Variants in HIBCH observed in about 807,000 individuals in gnomAD.
HIBCH encodes the protein 3-hydroxyisobutyryl-CoA hydrolase, mitochondrial.
HIBCH carries 50 observed loss-of-function variants against 58.2 expected under a neutral mutation model. That is an observed-to-expected ratio of 0.86 (90% CI 0.68 to 1.09). The LOEUF is 1.09. Among genes scored for constraint, HIBCH ranks in the 50% least tolerant of loss-of-function variants. The probability of loss-of-function intolerance (pLI) is 0.00; values close to 1 mark genes in which losing one functional copy is unlikely to be tolerated. For synonymous variants in HIBCH, 151 were observed against 146.9 expected (o/e 1.03, Z -0.20); for missense variants, 450 against 449.7 (o/e 1.00, Z -0.01).
chr2:190,287,515 T>C, intron 6 of HIBCH, 71 bp downstream of exon 6: 1 of 987,480 alleles, frequency 1.0e-6, no homozygotes, highest in Non-Finnish European at 1.6e-6. Context: ...AGCTCACTTC[T>C]GTTTAATAAT....
chr2:190,230,234 C>T (rs1292909716), intron 11 of HIBCH, among the ~76,000 whole-genome samples: 2 of 151,318 alleles, frequency 1.3e-5, no homozygotes, highest in East Asian at 3.9e-4. Context: ...CAATAAAGAG[C>T]CTGAAAATAT....
chr2:190,312,203 AT>A (rs1259431029), intron 1 of HIBCH, among the ~76,000 whole-genome samples: 1 of 152,228 alleles, frequency 6.6e-6, no homozygotes, highest in Non-Finnish European at 1.5e-5. Flanking sequence ...GGTATGTTTC[AT>A]TTGTGAAAAT....
chr2:190,314,162 T>C (rs1203841854), intron 1 of HIBCH, among the ~76,000 whole-genome samples: 2 of 151,698 alleles, frequency 1.3e-5, no homozygotes, highest in Admixed American at 6.6e-5. Context: ...CCCAGTTTTA[T>C]ATATAAGACA....
intron 6 of HIBCH, among the ~76,000 whole-genome samples, chr2:190,276,442 G>A (rs1337456461): frequency 6.6e-6 from 1 of 152,138 alleles, no homozygotes; most frequent in Non-Finnish European, 1.5e-5. Flanking sequence ...ATCTCATGTT[G>A]AAATTTATTC....
Position 190,243,690 on chromosome 2 carries a change from G to A in HIBCH, c.891+1197C>T, listed in dbSNP as rs180762450. Among the ~76,000 whole-genome samples the A allele has an allele frequency of 3.7e-4, 56 of 152,194 alleles. No individual in the cohort carries two copies. The East Asian group carries it at 4.8e-3, about 13-fold the overall frequency. On this transcript the variant is annotated intron_variant, in intron 11 of 13. Coordinates refer to ENST00000359678, the MANE Select transcript of HIBCH (RefSeq NM_014362.4). This position sits in a 1 kb window ranked among gnomAD's most constrained non-coding sequence, Gnocchi z 4.1. ...CCCCTTAAGAATACAGTAAAAGGCC[G>A]GGTGTGGTGGCTCACACCTGTAATC...
At chr2:190,199,873 A>C, downstream of HIBCH, 2 of 1,613,688 alleles carry the variant, frequency 1.2e-6, no homozygotes, top group Non-Finnish European at 8.5e-7. Flanking sequence ...GGGCTGCATG[A>C]AATCAAAGCA....
chr2:190,251,881 T>C (rs1056413518), intron 8 of HIBCH, among the ~76,000 whole-genome samples: 13 of 152,140 alleles, frequency 8.5e-5, no homozygotes, highest in African/African-American at 2.2e-4. Context: ...AAGGTAGGCA[T>C]GATTTTTTTT....
At chr2:190,302,310 G>A (rs1010198422) in intron 2 of HIBCH, among the ~76,000 whole-genome samples, 1 of 152,144 alleles carries the variant, frequency 6.6e-6, no homozygotes, top group Non-Finnish European at 1.5e-5. Context: ...GAATATTCAC[G>A]AACAGGAGGC....
intron 1 of HIBCH, among the ~76,000 whole-genome samples, chr2:190,195,962 T>TTTTG (rs1553490724): frequency 6.8e-6 from 1 of 147,210 alleles, no homozygotes; most frequent in Non-Finnish European, 1.5e-5. Flanking sequence ...TTTTTTTTTT[T>TTTTG]GGCATATGGA....
At chr2:190,294,009 A>G (rs1247959143) in intron 4 of HIBCH, among the ~76,000 whole-genome samples, 1 of 100,352 alleles carries the variant, frequency 1.0e-5, no homozygotes, top group Non-Finnish European at 1.9e-5. Context: ...ATTTTGTAAT[A>G]TATATTTTGT....
chr2:190,284,468 T>C (rs1401866950), intron 6 of HIBCH, among the ~76,000 whole-genome samples: 1 of 152,210 alleles, frequency 6.6e-6, no homozygotes, highest in Non-Finnish European at 1.5e-5. Context: ...GAGTTATAAC[T>C]TTAAGTGATC....
At chr2:190,319,153 C>G (rs1402936276) in intron 1 of HIBCH, among the ~76,000 whole-genome samples, 4 of 152,190 alleles carry the variant, frequency 2.6e-5, no homozygotes, top group Admixed American at 6.5e-5. Context: ...AGGCTGAGCT[C>G]AAAGCGCAGT....
rs1382979317 is a variant in HIBCH, at chr2:190,254,485, C to T, written c.518-2178G>A. ...AAGTTTGTGGTATTTTGTTATGCAG[C>T]CCTAAAAGTTTAATACACTGCGAAA... On this transcript the variant is annotated intron_variant, in intron 7 of 13. Coordinates refer to ENST00000359678, the MANE Select transcript of HIBCH (RefSeq NM_014362.4). The surrounding 1 kb of genome is among the most constrained non-coding windows in gnomAD (Gnocchi z 5.0). Among the ~76,000 whole-genome samples, 1 of 152,170 alleles carries T rather than the reference C, an allele frequency of 6.6e-6. No individual in the cohort carries two copies. Among genetic ancestry groups the T allele is most frequent in the African/African-American group, 2.4e-5 (1 of 41,448 alleles).
At chr2:190,257,791 G>A (rs1044555864) in intron 7 of HIBCH, among the ~76,000 whole-genome samples, 4 of 152,110 alleles carry the variant, frequency 2.6e-5, no homozygotes, top group Non-Finnish European at 4.4e-5. Flanking sequence ...GAGAGCAGAA[G>A]GAAAGGGGGC....
chr2:190,250,065 T>C (rs908740669), intron 8 of HIBCH, among the ~76,000 whole-genome samples: 3 of 152,220 alleles, frequency 2.0e-5, no homozygotes, highest in Admixed American at 6.5e-5. Flanking sequence ...AAATTATTAG[T>C]GGCTACCACA....
At chr2:190,249,543 T>C (rs1686704477) in intron 9 of HIBCH, 97 bp downstream of exon 9, 1 of 698,106 alleles carries the variant, frequency 1.4e-6, no homozygotes. Flanking sequence ...TACATTTATT[T>C]ATATTTACAA....
chr2:190,196,481 T>C (rs759090396), intron 1 of HIBCH, among the ~76,000 whole-genome samples: 10 of 151,972 alleles, frequency 6.6e-5, no homozygotes, highest in African/African-American at 9.7e-5. Context: ...AAATAGCTAC[T>C]TTAAAGTTCT....
intron 6 of HIBCH, among the ~76,000 whole-genome samples, chr2:190,278,076 G>C (rs547060657): frequency 3.3e-5 from 5 of 152,212 alleles, no homozygotes; most frequent in Admixed American, 6.5e-5. Context: ...ACTGTAGTCT[G>C]AACACCTTAC....
intron 6 of HIBCH, among the ~76,000 whole-genome samples, chr2:190,267,443 C>G (rs147871374): frequency 4.4e-4 from 67 of 151,682 alleles, no homozygotes; most frequent in African/African-American, 1.5e-3. Context: ...GTTATTCATC[C>G]ACCTCGGCCT....
Sources: gnomAD v4.1 joint callset for allele counts (sites outside exome capture counted in the v4.1 genomes callset) on GRCh38, gnomAD v4.1.1 for gene constraint, Gnocchi (gnomAD v3.1) non-coding constraint, MANE v1.5 for transcripts, NCBI Gene and HGNC (gene_info 2026-07-23, HGNC 2026-07-21) for gene names.